ACSF2: variants seen among roughly 807,000 people sequenced by gnomAD.
ACSF2 encodes medium-chain acyl-CoA ligase ACSF2, mitochondrial.
ACSF2 carries 52 observed loss-of-function variants against 79.3 expected under a neutral mutation model. That is an observed-to-expected ratio of 0.66 (90% CI 0.53 to 0.83). The LOEUF is 0.83. Among genes scored for constraint, ACSF2 ranks in the 40% least tolerant of loss-of-function variants. ACSF2 has a pLI of 0.00. For synonymous variants in ACSF2, 283 were observed against 312.6 expected, an observed-to-expected ratio of 0.91 and a Z score of 1.00; for missense variants, 661 against 803.3, an observed-to-expected ratio of 0.82 and a Z score of 2.14.
At chr17:50,432,859 C>T (rs1198153795) in intron 1 of ACSF2, among the ~76,000 whole-genome samples, 1 of 152,142 alleles carries the variant, frequency 6.6e-6, no homozygotes, top group Non-Finnish European at 1.5e-5. Flanking sequence ...TGTGCTCTAC[C>T]TTTGGGAGAA....
intron 1 of ACSF2, among the ~76,000 whole-genome samples, chr17:50,430,105 C>A (rs913648475): frequency 2.0e-5 from 3 of 152,128 alleles, no homozygotes; most frequent in African/African-American, 7.2e-5. Flanking sequence ...TGGCTAAAGC[C>A]TCTCAGAATT....
intron 1 of ACSF2, among the ~76,000 whole-genome samples, chr17:50,452,443 C>T (rs1461420342): frequency 6.6e-6 from 1 of 151,334 alleles, no homozygotes; most frequent in African/African-American, 2.4e-5. Context: ...GTAATTGTGC[C>T]ACTGCACTAC....
At chr17:50,456,954 A>G (rs1015649532) in intron 1 of ACSF2, among the ~76,000 whole-genome samples, 2 of 152,100 alleles carry the variant, frequency 1.3e-5, no homozygotes, top group East Asian at 1.9e-4. Flanking sequence ...AGTCCCAGCT[A>G]CTTGGGAGGC....
At chr17:50,439,069 T>C (rs1461957711) in intron 1 of ACSF2, among the ~76,000 whole-genome samples, 1 of 152,012 alleles carries the variant, frequency 6.6e-6, no homozygotes, top group African/African-American at 2.4e-5. Flanking sequence ...ATACATATTT[T>C]ATGCCTTTTT....
intron 1 of ACSF2, among the ~76,000 whole-genome samples, chr17:50,454,058 A>G (rs566991349): frequency 2.0e-5 from 3 of 152,040 alleles, no homozygotes; most frequent in Non-Finnish European, 4.4e-5. Flanking sequence ...CCAGCTACAC[A>G]GGAGGCTGAG....
intron 1 of ACSF2, among the ~76,000 whole-genome samples, chr17:50,457,337 C>T (rs1478735919): frequency 6.6e-6 from 1 of 152,200 alleles, no homozygotes; most frequent in Non-Finnish European, 1.5e-5. Flanking sequence ...CCAGGGCCCC[C>T]TAGGCTGAGG....
In ACSF2 at chr17:50,462,447, G is replaced by A. The variant is rs138994578; in HGVS notation, c.654G>A (p.Ser218=). 475 of 1,612,054 alleles carry A rather than the reference G, an allele frequency of 2.9e-4. 2 individuals are homozygous for A. The African/African-American group carries it at 5.7e-3, about 19-fold the overall frequency. The part of the protein sequence containing the change: ...QRLPDLTTVI[S]VDAPLPGTLL... ...TCCCAGATCTGACCACAGTCATCTC[G>A]GTGGATGCCCCTTTGCCGGGGACCC... The change falls in exon 6 of 16, where the codon TCG becomes TCA. Residue 218 remains serine, a synonymous_variant. Coordinates refer to ENST00000300441, the MANE Select transcript of ACSF2 (RefSeq NM_025149.6).
At chr17:50,434,273 C>T (rs2030202130) in intron 1 of ACSF2, among the ~76,000 whole-genome samples, 1 of 151,646 alleles carries the variant, frequency 6.6e-6, no homozygotes, top group Admixed American at 6.6e-5. Context: ...GAGCCGTGAT[C>T]ATGCCACCAC....
intron 10 of ACSF2, chr17:50,470,824 G>T (rs972876606): frequency 1.3e-5 from 7 of 537,362 alleles, no homozygotes; most frequent in African/African-American, 9.5e-5. Flanking sequence ...CAGATCTGGG[G>T]CCCTGCAGAG....
intron 1 of ACSF2, among the ~76,000 whole-genome samples, chr17:50,427,995 T>C (rs545658921): frequency 1.3e-5 from 2 of 152,310 alleles, no homozygotes; most frequent in Admixed American, 1.3e-4. Context: ...TGTGATGGTT[T>C]TACCTGATTT....
chr17:50,468,769 A>G, intron 10 of ACSF2: 1 of 1,584,528 alleles, frequency 6.3e-7, no homozygotes, highest in African/African-American at 1.3e-5. Context: ...CCGGCAGCAG[A>G]CCAGCCAGGA....
At chr17:50,455,782 C>T (rs891214164) in intron 1 of ACSF2, among the ~76,000 whole-genome samples, 1 of 152,222 alleles carries the variant, frequency 6.6e-6, no homozygotes, top group African/African-American at 2.4e-5. Context: ...GCATTGAGAC[C>T]TCGGGTCCTC....
chr17:50,472,751 C>A, intron 12 of ACSF2, 172 bp downstream of exon 12: 1 of 734,696 alleles, frequency 1.4e-6, no homozygotes, highest in Non-Finnish European at 2.0e-6. Context: ...TCATACATAG[C>A]ACAGAAGAAA....
At chr17:50,429,006 T>C (rs775377898) in intron 1 of ACSF2, among the ~76,000 whole-genome samples, 4 of 152,216 alleles carry the variant, frequency 2.6e-5, no homozygotes, top group Non-Finnish European at 5.9e-5. Context: ...CGCTTGGACT[T>C]TCGTCCTCTG....
intron 1 of ACSF2, among the ~76,000 whole-genome samples, chr17:50,456,593 G>A (rs1222881888): frequency 1.3e-5 from 2 of 152,034 alleles, no homozygotes; most frequent in African/African-American, 2.4e-5. Context: ...TTAGCCGGGC[G>A]TGGTGGCGCA....
At chr17:50,469,335 C>T (rs914903037) in intron 10 of ACSF2, among the ~76,000 whole-genome samples, 4 of 152,234 alleles carry the variant, frequency 2.6e-5, no homozygotes, top group African/African-American at 9.6e-5. Flanking sequence ...CAGCTGGATG[C>T]GTCTCCCTGC....
At chr17:50,472,678 G>A (rs2033177425) in intron 12 of ACSF2, 99 bp downstream of exon 12, 3 of 1,406,206 alleles carry the variant, frequency 2.1e-6, no homozygotes, top group East Asian at 5.1e-5. Context: ...TGAGGATGTG[G>A]GTATCAAGAT....
rs764219004 is a variant in ACSF2, at chr17:50,471,207, G to A, written c.1323+72G>A. 17 of 1,339,564 alleles carry A rather than the reference G, an allele frequency of 1.3e-5. No homozygotes were observed. Among genetic ancestry groups the A allele is most frequent in the Admixed American group, 1.7e-5 (1 of 57,186 alleles). The allele number at this position is 1,339,564 out of a possible 1,614,324, so 83.0% of individuals were successfully genotyped here. A position where few individuals can be genotyped will look rare whatever the true frequency, so the allele number is the denominator to read the frequency against. On this transcript the variant is annotated intron_variant, in intron 11 of 15. Transcript: ENST00000300441. The surrounding 1 kb of genome is among the most constrained non-coding windows in gnomAD (Gnocchi z 4.1). Reference sequence around the variant, plus strand: ...CTGGGGTGCACCCAGCTGGGACATCGGTTGCTTTCAGTGAGAGAGTCAAAT... The same window carrying A: ...CTGGGGTGCACCCAGCTGGGACATCAGTTGCTTTCAGTGAGAGAGTCAAAT...
chr17:50,427,694 A>C (rs537103631), intron 1 of ACSF2, among the ~76,000 whole-genome samples: 73 of 152,170 alleles, frequency 4.8e-4, no homozygotes, highest in Non-Finnish European at 9.1e-4. Flanking sequence ...CTCTCAGCCT[A>C]CTCTGGCTCA....
Sources: gnomAD v4.1 joint callset for allele counts (sites outside exome capture counted in the v4.1 genomes callset) on GRCh38, gnomAD v4.1.1 for gene constraint, Gnocchi (gnomAD v3.1) non-coding constraint, MANE v1.5 for transcripts, NCBI Gene and HGNC (gene_info 2026-07-23, HGNC 2026-07-21) for gene names.